The following SMARCA1 variants were observed in gnomAD, a reference collection of about 807,000 sequenced individuals.
SMARCA1 encodes the protein SWI/SNF-related matrix-associated actin-dependent regulator of chromatin subfamily A member 1.
Under a neutral mutation model 93.6 loss-of-function variants are expected in SMARCA1, and 17 were observed. The observed-to-expected ratio is 0.18, with a 90% confidence interval of 0.12 to 0.27. SMARCA1 has a LOEUF of 0.27. Among genes scored for constraint, SMARCA1 ranks in the 10% least tolerant of loss-of-function variants. The probability of loss-of-function intolerance (pLI) is 1.00; values close to 1 mark genes in which losing one functional copy is unlikely to be tolerated. For synonymous variants in SMARCA1, 271 were observed against 271.4 expected, an observed-to-expected ratio of 1.00 and a Z score of 0.01; for missense variants, 630 against 819.0, an observed-to-expected ratio of 0.77 and a Z score of 2.82.
At chrX:129,471,378 T>C in intron 19 of SMARCA1, 52 bp from the exon 20 acceptor site, 5 of 859,855 alleles carry the variant, frequency 5.8e-6, no homozygotes, top group Non-Finnish European at 8.4e-6. Context: ...AATTAATTAC[T>C]AAGGCTGTAT....
intron 9 of SMARCA1, 25 bp from the exon 10 acceptor site, chrX:129,499,866 A>C: frequency 1.3e-6 from 1 of 755,733 alleles, no homozygotes; most frequent in South Asian, 2.3e-5. Context: ...TTTTTATAAA[A>C]GTTTATGAAA....
intron 23 of SMARCA1, among the ~76,000 whole-genome samples, chrX:129,465,271 A>G (rs1275595788): frequency 1.8e-5 from 2 of 111,866 alleles, no homozygotes; most frequent in Non-Finnish European, 3.8e-5. Flanking sequence ...ATAGTTAAGT[A>G]TACTTATAAA....
chrX:129,516,948 T>G (rs2124348430), intron 2 of SMARCA1, among the ~76,000 whole-genome samples: 1 of 111,575 alleles, frequency 9.0e-6, no homozygotes, highest in African/African-American at 3.2e-5. Context: ...ATATATACCA[T>G]AAACTGAACT....
intron 9 of SMARCA1, among the ~76,000 whole-genome samples, chrX:129,503,138 T>C (rs1934631190): frequency 8.9e-6 from 1 of 112,108 alleles, no homozygotes; most frequent in African/African-American, 3.2e-5. Flanking sequence ...ATACCTGGGA[T>C]AGAAATCTTG....
chrX:129,465,150 C>T (rs113007918), intron 23 of SMARCA1, among the ~76,000 whole-genome samples: 2,156 of 111,167 alleles, frequency 0.019, 50 homozygotes, highest in African/African-American at 0.066. Flanking sequence ...TCAATGTTTT[C>T]AGGTGGGATT....
Position 129,480,782 on chromosome X carries a change from C to T in SMARCA1, c.2361G>A (p.Gln787=). 1 of 1,155,789 alleles carries T rather than the reference C, an allele frequency of 8.7e-7. No individual in the cohort carries two copies. Among genetic ancestry groups the T allele is most frequent in the Non-Finnish European group, 1.1e-6 (1 of 873,435 alleles). Residue 787 remains glutamine (Q), a synonymous_variant, in exon 19 of 25, where the codon CAG becomes CAA. Transcript: ENST00000371121. The part of the protein sequence containing the change: ...APRPPKQPNV[Q]DFQFFPPRLF... Reference sequence around the variant, plus strand: ...AGCGTGGTGGGAAAAATTGAAAATCCTGAACATTTGGCTGTTTTGGAGGCC... The same window carrying T: ...AGCGTGGTGGGAAAAATTGAAAATCTTGAACATTTGGCTGTTTTGGAGGCC...
chrX:129,491,664 T>C (rs192850005), intron 14 of SMARCA1, among the ~76,000 whole-genome samples: 1 of 111,531 alleles, frequency 9.0e-6, no homozygotes. Flanking sequence ...CTTCAATCTG[T>C]AGGAATGGGA....
intron 24 of SMARCA1, chrX:129,447,444 A>T: frequency 3.1e-6 from 1 of 324,512 alleles, no homozygotes; most frequent in Admixed American, 5.9e-5. Context: ...TTATGAAAAG[A>T]CATAAAATAC....
intron 11 of SMARCA1, 138 bp from the exon 12 acceptor site, chrX:129,497,009 A>C (rs939947606): frequency 1.3e-5 from 6 of 445,358 alleles, no homozygotes; most frequent in Middle Eastern, 6.0e-4. Context: ...GCACACACAC[A>C]CACACACACA....
intron 5 of SMARCA1, among the ~76,000 whole-genome samples, chrX:129,515,194 T>A (rs994165491): frequency 9.0e-6 from 1 of 111,282 alleles, no homozygotes; most frequent in Non-Finnish European, 1.9e-5. Flanking sequence ...AAGAGTTTTA[T>A]GGCCTGTGAA....
At chrX:129,469,711 G>C (rs1448527356) in intron 20 of SMARCA1, among the ~76,000 whole-genome samples, 1 of 111,332 alleles carries the variant, frequency 9.0e-6, no homozygotes, top group Non-Finnish European at 1.9e-5. Context: ...CAGCAGAGAA[G>C]GACAAAAATG....
chrX:129,496,651 C>T (rs1055766030), intron 12 of SMARCA1, 99 bp downstream of exon 12: 3 of 722,520 alleles, frequency 4.2e-6, no homozygotes, highest in Non-Finnish European at 4.1e-6. Flanking sequence ...AATGCACCCA[C>T]CTAAAGAAAA....
At chrX:129,447,584 T>C (rs185445642) in intron 24 of SMARCA1, among the ~76,000 whole-genome samples, 3 of 111,768 alleles carry the variant, frequency 2.7e-5, no homozygotes, top group Admixed American at 1.9e-4. Flanking sequence ...AAACTTATGA[T>C]AGGTTTTAAC....
chrX:129,466,836 A>AT (rs745782888), intron 21 of SMARCA1, among the ~76,000 whole-genome samples: 168 of 90,833 alleles, frequency 1.8e-3, no homozygotes, highest in African/African-American at 5.6e-3. Flanking sequence ...CCCTTTTCTC[A>AT]TAAAAAAAAA....
intron 1 of SMARCA1, among the ~76,000 whole-genome samples, chrX:129,520,493 A>C (rs1425071052): frequency 1.8e-5 from 2 of 111,301 alleles, no homozygotes; most frequent in Non-Finnish European, 3.8e-5. Context: ...CTCATTCAGA[A>C]ACCTATTTTC....
Position 129,471,330 on chromosome X carries a change from T to C in SMARCA1, c.2443-4A>G, listed in dbSNP as rs778786462. The C allele has an allele frequency of 9.3e-6, 11 of 1,177,243 alleles. No individual in the cohort carries two copies. Among genetic ancestry groups the C allele is most frequent in the Admixed American group, 4.7e-5 (2 of 42,557 alleles). On this transcript the variant is annotated splice_polypyrimidine_tract_variant and splice_region_variant and intron_variant, in intron 19 of 24. Coordinates refer to ENST00000371121, the MANE Select transcript of SMARCA1 (RefSeq NM_001282874.2). ...GGATATCAGGATTCCTTGGAACCTA[T>C]AAATCAAGAGATAAACTAAGAGTAA...
At chrX:129,465,287 G>A (rs1378837156) in intron 23 of SMARCA1, among the ~76,000 whole-genome samples, 2 of 111,462 alleles carry the variant, frequency 1.8e-5, no homozygotes, top group Admixed American at 9.6e-5. Flanking sequence ...ATAAAATATA[G>A]ATACGCATTT....
chrX:129,502,443 A>G (rs944816973), intron 9 of SMARCA1, among the ~76,000 whole-genome samples: 7 of 111,778 alleles, frequency 6.3e-5, no homozygotes, highest in Admixed American at 5.7e-4. Flanking sequence ...TTCCAGCAGG[A>G]GGAGATAGTT....
chrX:129,472,038 A>G (rs1933149324), intron 19 of SMARCA1, among the ~76,000 whole-genome samples: 1 of 111,935 alleles, frequency 8.9e-6, no homozygotes, highest in Admixed American at 9.5e-5. Context: ...AGATAAGGAC[A>G]GAAGCTCAGC....
Sources: gnomAD v4.1 joint callset for allele counts (sites outside exome capture counted in the v4.1 genomes callset) on GRCh38, gnomAD v4.1.1 for gene constraint, MANE v1.5 for transcripts, NCBI Gene and HGNC (gene_info 2026-07-23, HGNC 2026-07-21) for gene names.